The following INA variants were observed in gnomAD, a reference collection of about 807,000 sequenced individuals.
The protein encoded by INA is internexin neuronal intermediate filament protein alpha, also known as alpha-internexin.
INA carries 35 observed loss-of-function variants against 40.1 expected under a neutral mutation model. The observed-to-expected ratio is 0.87, with a 90% CI of 0.67 to 1.16. The LOEUF (loss-of-function observed/expected upper bound fraction) is 1.16, where lower values mean the gene tolerates loss of function less well. Among genes scored for constraint, INA ranks in the 50% most tolerant of loss-of-function variants. The probability of loss-of-function intolerance (pLI) is 0.00; values close to 1 mark genes in which losing one functional copy is unlikely to be tolerated. For synonymous variants in INA, 290 were observed against 316.9 expected, an observed-to-expected ratio of 0.92 and a Z score of 0.90; for missense variants, 594 against 686.7, an observed-to-expected ratio of 0.87 and a Z score of 1.51.
intron 1 of INA, among the ~76,000 whole-genome samples, chr10:103,283,748 C>CTTT (rs34755376): frequency 0.016 from 1,789 of 114,886 alleles, 58 homozygotes; most frequent in South Asian, 0.059. Flanking sequence ...ATCACTGTTT[C>CTTT]TTTTTTTTTT....
rs2093091579 is a variant in INA at position 103,288,370 on chromosome 10, G to C, written c.1201G>C (p.Glu401Gln). ...CTGTTGAATTTACAGGAAACTGCTG[G>C]AAGGCGAGGAGACACGTTTTAGCAC... Reference protein sequence around the residue: ...IEIAAYRKLLEGEETRFSTSG... With the variant: ...IEIAAYRKLLQGEETRFSTSG... The change falls in exon 3 of 3, where the codon GAA (glutamate) becomes CAA (glutamine). Residue 401 changes from glutamate (E) to glutamine (Q), a missense_variant. Transcript: ENST00000369849. 6.3e-7 allele frequency: 1 copy of C among 1,594,250 alleles called. No homozygotes were observed. Among genetic ancestry groups the C allele is most frequent in the Admixed American group, 1.9e-5 (1 of 52,850 alleles).
chr10:103,283,748 CTTTTTTTTT>C (rs34755376), intron 1 of INA, among the ~76,000 whole-genome samples: 1 of 114,914 alleles, frequency 8.7e-6, no homozygotes, highest in African/African-American at 3.4e-5. Flanking sequence ...ATCACTGTTT[CTTTTTTTTT>C]TTTTTTTTTT....
intron 1 of INA, among the ~76,000 whole-genome samples, chr10:103,285,131 G>GCC (rs2093082553): frequency 6.6e-6 from 1 of 151,056 alleles, no homozygotes; most frequent in Non-Finnish European, 1.5e-5. Flanking sequence ...TTATAGGCAT[G>GCC]CACCACCACG....
chr10:103,280,972 T>G (rs1405246775), intron 1 of INA: 1 of 976,514 alleles, frequency 1.0e-6, no homozygotes, highest in African/African-American at 1.8e-5. Flanking sequence ...AAGTTGAAGC[T>G]TTCCTTGAAA....
In INA at chr10:103,278,424, A is replaced by T; in HGVS notation, c.1065+148A>T. 1.6e-6 allele frequency: 1 copy of T among 644,222 alleles called. No homozygotes were observed. The highest frequency in any genetic ancestry group is 2.6e-6 in the Non-Finnish European group (1 of 381,976). The allele number at this position is 644,222 out of a possible 1,614,324, so 39.9% of individuals were successfully genotyped here. ...GGCTGGAGGCGCTGGTTAACAAAAA[A>T]CCCTGGAGTCTTTAATGTTAATTTT... On this transcript the variant is annotated intron_variant, in intron 1 of 2. Coordinates refer to ENST00000369849, the MANE Select transcript of INA (RefSeq NM_032727.4). The surrounding 1 kb of genome is among the most constrained non-coding windows in gnomAD (Gnocchi z 4.9).
At position 103,288,493 on chromosome 10, in the gene INA, A is replaced by C; in HGVS notation, c.1324A>C (p.Thr442Pro). The C allele has an allele frequency of 6.2e-7, 1 of 1,613,990 alleles. No homozygotes were observed. The highest frequency in any genetic ancestry group is 8.5e-7 in the Non-Finnish European group (1 of 1,179,998). Residue 442 changes from threonine (T) to proline (P), a missense_variant, in exon 3 of 3, where the codon ACT (threonine) becomes CCT (proline). This residue lies in a region of INA where 379 missense variants were observed against 496.1 expected (regional missense o/e 0.76). Coordinates refer to ENST00000369849, the MANE Select transcript of INA (RefSeq NM_032727.4). ...LSATTSKVSS[T>P]GLSLKKEEEE... The stretch of plus-strand genomic sequence containing the variant: ...TGCTACAACCTCCAAAGTCTCATCC[A>C]CTGGGCTATCACTTAAGAAAGAGGA...
At chr10:103,286,691 G>A (rs2093086938) in intron 1 of INA, among the ~76,000 whole-genome samples, 1 of 147,302 alleles carries the variant, frequency 6.8e-6, no homozygotes, top group South Asian at 2.1e-4. Flanking sequence ...GGGATGGTAA[G>A]TGTAAAAAAA....
At chr10:103,280,046 T>C in intron 1 of INA, 3 of 1,273,190 alleles carry the variant, frequency 2.4e-6, no homozygotes, top group Non-Finnish European at 3.1e-6. Context: ...GGCTTCTCCA[T>C]TTTCTCTGCT....
chr10:103,285,896 G>A (rs1034230935), intron 1 of INA, among the ~76,000 whole-genome samples: 1 of 152,132 alleles, frequency 6.6e-6, no homozygotes, highest in East Asian at 1.9e-4. Flanking sequence ...AGGATTACAG[G>A]TGTGAGCCAC....
intron 1 of INA, chr10:103,280,468 T>C (rs1174863105): frequency 1.0e-6 from 1 of 985,342 alleles, no homozygotes; most frequent in African/African-American, 1.7e-5. Flanking sequence ...ATTGTTTTCT[T>C]GCCCTCTCAT....
In INA at chr10:103,277,656, G is replaced by C. The variant is rs1063456; in HGVS notation, c.445G>C (p.Asp149His). The C allele has an allele frequency of 2.2e-6, 3 of 1,389,920 alleles. No individual in the cohort carries two copies. The highest frequency in any genetic ancestry group is 2.8e-6 in the Non-Finnish European group (3 of 1,079,630). The allele number at this position is 1,389,920 out of a possible 1,614,324, so 86.1% of individuals were successfully genotyped here. Residue 149 changes from aspartate (D) to histidine (H), a missense_variant, in exon 1 of 3, where the codon GAC becomes CAC. By Grantham distance (81) the Asp-to-His change is moderately conservative. Around this residue, in one of 2 missense-constraint regions of INA, gnomAD observed 379 missense variants for 496.1 expected, o/e 0.76. Transcript: ENST00000369849. This position sits in a 1 kb window ranked among gnomAD's most constrained non-coding sequence, Gnocchi z 5.6. ...VGELFQRELR[D>H]LRAQLEEASS... ...CGAGCTCTTCCAGCGCGAGCTGCGC[G>C]ACCTGCGCGCGCAGCTGGAGGAGGC...
chr10:103,277,562 G>A lies in INA; in HGVS notation c.351G>A (p.Thr117=). ...TCGAGAAGGTGCATCAGCTGGAGAC[G>A]CAGAACCGCGCGTTGGAGGCCGAGC... ...VFIEKVHQLE[T]QNRALEAELA... is the part of the protein sequence containing the mutation. Residue 117 remains threonine, a synonymous_variant, in exon 1 of 3, where the codon ACG becomes ACA. Transcript: ENST00000369849. This position sits in a 1 kb window ranked among gnomAD's most constrained non-coding sequence, Gnocchi z 5.6. 1.3e-6 allele frequency: 2 copies of A among 1,575,700 alleles called. No homozygotes were observed. Among genetic ancestry groups the A allele is most frequent in the East Asian group, 4.8e-5 (2 of 41,600 alleles).
At chr10:103,286,808 G>T (rs1282967848) in intron 1 of INA, among the ~76,000 whole-genome samples, 2 of 152,098 alleles carry the variant, frequency 1.3e-5, no homozygotes, top group Admixed American at 1.3e-4. Flanking sequence ...TCCTCACCAT[G>T]AGTCCAAATC....
At position 103,277,702 on chromosome 10, in the gene INA, C is replaced by T; in HGVS notation, c.491C>T (p.Ala164Val). ...GAGGCCAGCTCGGCTCGCTCGCAGG[C>T]CCTGCTGGAGCGCGACGGGCTGGCG... is the stretch of plus-strand genomic sequence containing the variant. ...LEEASSARSQ[A>V]LLERDGLAEE... The change falls in exon 1 of 3, where the codon GCC becomes GTC. Residue 164 changes from alanine to valine, a missense_variant. Physicochemically the swap from Ala to Val is moderately conservative, Grantham distance 64. Around this residue, in one of 2 missense-constraint regions of INA, gnomAD observed 379 missense variants for 496.1 expected, o/e 0.76. Transcript: ENST00000369849. This position sits in a 1 kb window ranked among gnomAD's most constrained non-coding sequence, Gnocchi z 5.6. The T allele has an allele frequency of 1.5e-6, 2 of 1,377,678 alleles. No homozygotes were observed. Among genetic ancestry groups the T allele is most frequent in the South Asian group, 1.7e-5 (1 of 58,608 alleles). The allele number at this position is 1,377,678 out of a possible 1,614,324, so 85.3% of individuals were successfully genotyped here. A position where few individuals can be genotyped will look rare whatever the true frequency, so the allele number is the denominator to read the frequency against.
At chr10:103,285,189 GGTC>G (rs2133536716) in intron 1 of INA, among the ~76,000 whole-genome samples, 1 of 152,152 alleles carries the variant, frequency 6.6e-6, no homozygotes, top group South Asian at 2.1e-4. Flanking sequence ...TCTCCATATT[GGTC>G]TGGCTGGTCT....
chr10:103,281,489 C>A (rs1163690772), intron 1 of INA, among the ~76,000 whole-genome samples: 1 of 152,144 alleles, frequency 6.6e-6, no homozygotes. Flanking sequence ...TGATCTAAAC[C>A]ACTTCTTCCA....
In INA at chr10:103,280,719, G is replaced by T. The variant is rs571391928; in HGVS notation, c.1065+2443G>T. The stretch of plus-strand genomic sequence containing the variant: ...GTGACACAGTAAGTACACAATAGTG[G>T]ATGAGAGAGTCTGAATCAGGCAAGA... On this transcript the variant is annotated intron_variant, in intron 1 of 2. Transcript: ENST00000369849. The T allele has an allele frequency of 3.0e-6, 3 of 985,448 alleles. No individual in the cohort carries two copies. In the African/African-American group the frequency reaches 5.2e-5, roughly 17 times the overall value. The allele number at this position is 985,448 out of a possible 1,614,324, so 61.0% of individuals were successfully genotyped here. A position where few individuals can be genotyped will look rare whatever the true frequency, so the allele number is the denominator to read the frequency against.
chr10:103,277,608 C>A lies in INA; in HGVS notation c.397C>A (p.His133Asn). 6.6e-7 allele frequency: 1 copy of A among 1,526,250 alleles called. No individual in the cohort carries two copies. The highest frequency in any genetic ancestry group is 8.7e-7 in the Non-Finnish European group (1 of 1,143,844). 94.5% of individuals were successfully genotyped at this position (1,526,250 alleles called of 1,614,324 possible). A position where few individuals can be genotyped will look rare whatever the true frequency, so the allele number is the denominator to read the frequency against. The change falls in exon 1 of 3, where the codon CAC becomes AAC. Residue 133 changes from histidine to asparagine, a missense_variant. By Grantham distance (68) the His-to-Asn change is moderately conservative. Around this residue, in one of 2 missense-constraint regions of INA, gnomAD observed 215 missense variants for 190.6 expected, o/e 1.13. Transcript: ENST00000369849. The surrounding 1 kb of genome is among the most constrained non-coding windows in gnomAD (Gnocchi z 5.6). ...EAELAALRQR[H>N]AEPSRVGELF... ...CGAGCTGGCCGCGCTGCGACAGCGC[C>A]ACGCTGAGCCGTCGCGCGTCGGCGA...
intron 1 of INA, among the ~76,000 whole-genome samples, chr10:103,282,741 TTA>T (rs1491307614): frequency 6.8e-6 from 1 of 147,360 alleles, no homozygotes; most frequent in African/African-American, 2.6e-5. Context: ...AAAATTGTTA[TTA>T]AAAAAAAAAA....
Sources: allele counts gnomAD v4.1 joint callset (sites outside exome capture counted in the v4.1 genomes callset), GRCh38; gene constraint gnomAD v4.1.1; regional missense constraint gnomAD v4.1.1; non-coding constraint Gnocchi (gnomAD v3.1); transcripts MANE v1.5; gene names NCBI Gene and HGNC (gene_info 2026-07-23, HGNC 2026-07-21).